The following CACNB2 variants were observed in gnomAD, a reference collection of about 807,000 sequenced individuals.
The protein encoded by CACNB2 is voltage-dependent L-type calcium channel subunit beta-2.
In CACNB2, 42 loss-of-function variants were observed where a neutral mutation model predicts 73.3. That is an observed-to-expected ratio of 0.57 (90% CI 0.45 to 0.74). The LOEUF is 0.74. Among genes scored for constraint, CACNB2 ranks in the 30% least tolerant of loss-of-function variants. The pLI is 0.00. For missense variants in CACNB2, 940 were observed against 853.0 expected (o/e 1.10, Z -1.27); for synonymous variants, 348 against 310.3 (o/e 1.12, Z -1.28).
chr10:18,388,731 C>T (rs1159641658), intron 2 of CACNB2, among the ~76,000 whole-genome samples: 3 of 152,158 alleles, frequency 2.0e-5, no homozygotes, highest in Non-Finnish European at 4.4e-5. Flanking sequence ...TTCAGGTAGA[C>T]ACTTAAATAA....
chr10:18,455,999 G>A (rs951096509), intron 3 of CACNB2, among the ~76,000 whole-genome samples: 12 of 152,140 alleles, frequency 7.9e-5, no homozygotes, highest in African/African-American at 1.9e-4. Context: ...CAGTTACACC[G>A]GAAATAAGAT....
intron 3 of CACNB2, among the ~76,000 whole-genome samples, chr10:18,438,904 A>G (rs2046281879): frequency 6.6e-6 from 1 of 152,226 alleles, no homozygotes; most frequent in African/African-American, 2.4e-5. Flanking sequence ...CAGCTCTTCC[A>G]AAGCAGAACA....
intron 2 of CACNB2, among the ~76,000 whole-genome samples, chr10:18,308,265 A>T (rs556457283): frequency 6.6e-6 from 1 of 152,190 alleles, no homozygotes; most frequent in East Asian, 1.9e-4. Flanking sequence ...AATTGCTGGG[A>T]TTATAGGCGT....
In CACNB2 at chr10:18,140,715, G is replaced by T; in HGVS notation, c.-22G>T. 6.3e-7 allele frequency: 1 copy of T among 1,582,640 alleles called. No individual in the cohort carries two copies. On this transcript the variant is annotated 5_prime_UTR_variant, in exon 1 of 14. Transcript: ENST00000324631. The stretch of plus-strand genomic sequence containing the variant: ...CCCGCCGCCGGGGGCTGGCTGCTTC[G>T]CTCCGAGCCGACTTTTCGCCAATGG...
chr10:18,513,548 G>T, intron 6 of CACNB2: 1 of 397,128 alleles, frequency 2.5e-6, no homozygotes, highest in Non-Finnish European at 5.0e-6. Flanking sequence ...AGCAGTTCCT[G>T]GGCCAAATGC....
chr10:18,150,958 A>G lies in CACNB2; in HGVS notation c.196A>G (p.Asn66Asp), dbSNP rs1470387804. Residue 66 changes from asparagine (N) to aspartate (D), a missense_variant, in exon 2 of 14, where the codon AAT becomes GAT. Asn to Asp is a conservative substitution (Grantham distance 23). Coordinates refer to ENST00000324631, the MANE Select transcript of CACNB2 (RefSeq NM_201596.3). ...DGSTSSDTTS[N>D]SFVRQGSADS... Reference sequence around the variant, plus strand: ...AAGCACGTCATCTGATACTACCTCAAATAGTTTTGTTCGCCAGGTAAGAGT... The same window carrying G: ...AAGCACGTCATCTGATACTACCTCAGATAGTTTTGTTCGCCAGGTAAGAGT... The G allele has an allele frequency of 7.5e-6, 12 of 1,602,416 alleles. No homozygotes were observed. Among genetic ancestry groups the G allele is most frequent in the African/African-American group, 1.4e-5 (1 of 73,096 alleles).
intron 3 of CACNB2, among the ~76,000 whole-genome samples, chr10:18,436,329 T>C (rs1223814788): frequency 6.6e-6 from 1 of 152,190 alleles, no homozygotes; most frequent in Non-Finnish European, 1.5e-5. Flanking sequence ...AACCCAGAAA[T>C]TTTGGCAAGA....
chr10:18,328,365 T>G (rs2040666722), intron 2 of CACNB2, among the ~76,000 whole-genome samples: 1 of 152,186 alleles, frequency 6.6e-6, no homozygotes, highest in Non-Finnish European at 1.5e-5. Flanking sequence ...CTCCCTGTGA[T>G]TCCACTTTGC....
chr10:18,303,412 G>A (rs4747340), intron 2 of CACNB2, among the ~76,000 whole-genome samples: 81,779 of 151,864 alleles, frequency 0.54, 22,530 homozygotes, highest in Middle Eastern at 0.66. Flanking sequence ...GGCTGAGATA[G>A]AAGGCTCGCT....
intron 6 of CACNB2, among the ~76,000 whole-genome samples, chr10:18,509,628 C>T (rs759502327): frequency 1.3e-5 from 2 of 151,906 alleles, no homozygotes; most frequent in African/African-American, 4.8e-5. Flanking sequence ...AGTGAGACCC[C>T]GTTTCTAAAA....
At chr10:18,466,296 C>T (rs2047881978) in intron 3 of CACNB2, among the ~76,000 whole-genome samples, 1 of 152,146 alleles carries the variant, frequency 6.6e-6, no homozygotes. Flanking sequence ...AGTGCAGTGA[C>T]ATGATCATAG....
chr10:18,179,424 T>C (rs2033765678), intron 2 of CACNB2, among the ~76,000 whole-genome samples: 1 of 152,218 alleles, frequency 6.6e-6, no homozygotes, highest in African/African-American at 2.4e-5. Flanking sequence ...CCAACCATTA[T>C]GTTCTTTCCA....
intron 2 of CACNB2, among the ~76,000 whole-genome samples, chr10:18,399,936 T>C (rs952956294): frequency 6.6e-6 from 1 of 152,208 alleles, no homozygotes; most frequent in African/African-American, 2.4e-5. Context: ...TGGGACTCAA[T>C]TATTCTGTGA....
chr10:18,362,253 C>G (rs560366056), intron 2 of CACNB2, among the ~76,000 whole-genome samples: 14 of 152,232 alleles, frequency 9.2e-5, no homozygotes, highest in African/African-American at 3.4e-4. Flanking sequence ...CTTAAACATG[C>G]TTATTAAAAC....
chr10:18,289,928 G>T (rs924568675), intron 2 of CACNB2, among the ~76,000 whole-genome samples: 1 of 151,786 alleles, frequency 6.6e-6, no homozygotes, highest in African/African-American at 2.4e-5. Context: ...AAAATATATA[G>T]ATGAGCAATT....
chr10:18,198,276 T>C (rs1034585191), intron 2 of CACNB2, among the ~76,000 whole-genome samples: 1 of 151,312 alleles, frequency 6.6e-6, no homozygotes, highest in African/African-American at 2.4e-5. Context: ...GTTAATAGTA[T>C]AATATATATT....
chr10:18,427,870 A>C (rs1022579333), intron 3 of CACNB2, among the ~76,000 whole-genome samples: 3 of 151,802 alleles, frequency 2.0e-5, no homozygotes, highest in African/African-American at 4.8e-5. Context: ...GAATAATTCT[A>C]TTTTCTATTT....
chr10:18,322,024 C>T (rs751159026), intron 2 of CACNB2, among the ~76,000 whole-genome samples: 8 of 151,990 alleles, frequency 5.3e-5, no homozygotes, highest in Non-Finnish European at 1.2e-4. Context: ...GGCATGGTGG[C>T]GCATGCCTGT....
At chr10:18,209,084 C>T (rs969728078) in intron 2 of CACNB2, among the ~76,000 whole-genome samples, 4 of 152,200 alleles carry the variant, frequency 2.6e-5, no homozygotes, top group Non-Finnish European at 4.4e-5. Flanking sequence ...TGCAGAACTG[C>T]TTCCTTCCTC....
Sources: gnomAD v4.1 joint callset for allele counts (sites outside exome capture counted in the v4.1 genomes callset) on GRCh38, gnomAD v4.1.1 for gene constraint, MANE v1.5 for transcripts, NCBI Gene and HGNC (gene_info 2026-07-23, HGNC 2026-07-21) for gene names.